Variants in C2CD2 observed in about 807,000 individuals in gnomAD.
C2CD2 encodes C2 domain-containing protein 2.
In C2CD2, 43 loss-of-function variants were observed where a neutral mutation model predicts 74.3. That is an observed-to-expected ratio of 0.58 (90% CI 0.45 to 0.75). C2CD2 has a LOEUF of 0.75. Ranked by LOEUF, C2CD2 falls within the 30% of genes least tolerant of loss-of-function variation. C2CD2 has a pLI of 0.00. For missense variants in C2CD2, 801 were observed against 916.3 expected, an observed-to-expected ratio of 0.87 and a Z score of 1.63; for synonymous variants, 422 against 390.7, an observed-to-expected ratio of 1.08 and a Z score of -0.94.
chr21:41,920,002 G>C (rs73904782), intron 3 of C2CD2, among the ~76,000 whole-genome samples: 1 of 152,226 alleles, frequency 6.6e-6, no homozygotes, highest in East Asian at 1.9e-4. Context: ...GCATCCCTGC[G>C]GGTGTGGACG....
In C2CD2 at chr21:41,903,202, T is replaced by C. The variant is rs1328156584; in HGVS notation, c.1433-1453A>G. Among the ~76,000 whole-genome samples, 2 of 152,182 alleles carry C rather than the reference T, an allele frequency of 1.3e-5. No individual in the cohort carries two copies. The highest frequency in any genetic ancestry group is 2.4e-5 in the African/African-American group (1 of 41,446). ...TGCCCTGAGCCCCTTCATCTGGCTG[T>C]GCATTTGTGTGATAATAAACTGGTA... On this transcript the variant is annotated intron_variant, in intron 11 of 13. Coordinates refer to ENST00000380486, the MANE Select transcript of C2CD2 (RefSeq NM_015500.2). The surrounding 1 kb of genome is among the most constrained non-coding windows in gnomAD (Gnocchi z 4.5).
Position 41,918,872 on chromosome 21 carries a change from G to C in C2CD2, c.581C>G (p.Pro194Arg). 6.2e-7 allele frequency: 1 copy of C among 1,613,780 alleles called. No homozygotes were observed. Among genetic ancestry groups the C allele is most frequent in the Non-Finnish European group, 8.5e-7 (1 of 1,179,684 alleles). The change falls in exon 4 of 14, where the codon CCC (proline) becomes CGC (arginine). Residue 194 changes from proline to arginine, a missense_variant. Coordinates refer to ENST00000380486, the MANE Select transcript of C2CD2 (RefSeq NM_015500.2). ...CGGACTGACCTCCCCCAGTGCTTTG[G>C]GCTGGATATTAACGGCCATTTCCGG... is the stretch of plus-strand genomic sequence containing the variant. ...SVPEMAVNIQ[P>R]KALGEDQVAE...
In C2CD2 at chr21:41,903,920, CA is replaced by C. The variant is rs1202236691; in HGVS notation, c.1432+1803del. 7.9e-5 allele frequency among the ~76,000 whole-genome samples: 12 copies of C among 152,162 alleles called. No homozygotes were observed. The highest frequency in any genetic ancestry group is 2.4e-4 in the African/African-American group (10 of 41,442). On this transcript the variant is annotated intron_variant, in intron 11 of 13. Coordinates refer to ENST00000380486, the MANE Select transcript of C2CD2 (RefSeq NM_015500.2). This position sits in a 1 kb window ranked among gnomAD's most constrained non-coding sequence, Gnocchi z 4.5. Reference sequence around the variant, plus strand: ...GGGGAAGAAACTGAGGAAGGGGCATCAGGGGCAGCGGCAAAAGCATCAGCGG... The same window carrying C: ...GGGGAAGAAACTGAGGAAGGGGCATCGGGGCAGCGGCAAAAGCATCAGCGG...
chr21:41,916,698 CACACACACT>C (rs1439436145), intron 5 of C2CD2, among the ~76,000 whole-genome samples: 2 of 151,326 alleles, frequency 1.3e-5, no homozygotes, highest in African/African-American at 4.9e-5. Flanking sequence ...CACACACACA[CACACACACT>C]CCCATTGGTT....
At chr21:41,947,454 G>C (rs1054866836) in intron 1 of C2CD2, among the ~76,000 whole-genome samples, 1 of 152,054 alleles carries the variant, frequency 6.6e-6, no homozygotes, top group Non-Finnish European at 1.5e-5. Flanking sequence ...ACTGCGCCTG[G>C]CCTAATTTCT....
At position 41,905,816 on chromosome 21, in the gene C2CD2, A is replaced by C. The variant is rs749075635; in HGVS notation, c.1340T>G (p.Ile447Ser). The C allele has an allele frequency of 1.0e-5, 16 of 1,601,084 alleles. No individual in the cohort carries two copies. The highest frequency in any genetic ancestry group is 1.4e-5 in the Non-Finnish European group (16 of 1,168,304). The change falls in exon 11 of 14, where the codon ATC becomes AGC. Residue 447 changes from isoleucine to serine, a missense_variant. Coordinates refer to ENST00000380486, the MANE Select transcript of C2CD2 (RefSeq NM_015500.2). ...GTCCTTCTCGATCACCTTCACCTTG[A>C]TGGGAGTCTTCACCGGAGAATCTGC... ...LSSDSPVKTPIKVKVIEKDIS... is the reference protein window; with the variant it reads ...LSSDSPVKTPSKVKVIEKDIS...
At position 41,923,832 on chromosome 21, in the gene C2CD2, G is replaced by A. The variant is rs993650073; in HGVS notation, c.379-1747C>T. Among the ~76,000 whole-genome samples the A allele has an allele frequency of 6.6e-6, 1 of 152,142 alleles. No individual in the cohort carries two copies. Among genetic ancestry groups the A allele is most frequent in the African/African-American group, 2.4e-5 (1 of 41,422 alleles). On this transcript the variant is annotated intron_variant, in intron 2 of 13. Transcript: ENST00000380486. This position sits in a 1 kb window ranked among gnomAD's most constrained non-coding sequence, Gnocchi z 5.8. Reference sequence around the variant, plus strand: ...CAGACCCCTCCCCGCTCCCCTCCCGGGGGCAGAGGGCCAAGCAGACACGTG... The same window carrying A: ...CAGACCCCTCCCCGCTCCCCTCCCGAGGGCAGAGGGCCAAGCAGACACGTG...
At chr21:41,947,137 T>TCTCCCTCCCTCC (rs1555906771) in intron 1 of C2CD2, among the ~76,000 whole-genome samples, 1 of 25,636 alleles carries the variant, frequency 3.9e-5, no homozygotes, top group African/African-American at 1.6e-4. Context: ...TCTCTCTCTC[T>TCTCCCTCCCTCC]CTCCCTCCCT....
At position 41,947,139 on chromosome 21, in the gene C2CD2, T is replaced by TCTCTCTCTCTCTCTCTCTCTCTCTCC. The variant is rs1365076208; in HGVS notation, c.280-4895_280-4894insGGAGAGAGAGAGAGAGAGAGAGAGAG. On this transcript the variant is annotated intron_variant, in intron 1 of 13. Coordinates refer to ENST00000380486, the MANE Select transcript of C2CD2 (RefSeq NM_015500.2). Reference sequence around the variant, plus strand: ...CTCTCTCTCTCTCTCTCTCTCTCTCTCCCTCCCTCCCTCCCTCCCTCTCTC... The same window carrying TCTCTCTCTCTCTCTCTCTCTCTCTCC: ...CTCTCTCTCTCTCTCTCTCTCTCTCTCTCTCTCTCTCTCTCTCTCTCTCTCCCCCTCCCTCCCTCCCTCCCTCTCTC... 3.3e-4 allele frequency among the ~76,000 whole-genome samples: 40 copies of TCTCTCTCTCTCTCTCTCTCTCTCTCC among 122,374 alleles called. 2 individuals carry two copies. The highest frequency in any genetic ancestry group is 3.9e-3 in the Middle Eastern group (1 of 256). 80.3% of individuals were successfully genotyped at this position (122,374 alleles called of 152,430 possible).
intron 6 of C2CD2, among the ~76,000 whole-genome samples, chr21:41,914,072 A>G (rs1327959221): frequency 1.3e-5 from 2 of 152,290 alleles, no homozygotes; most frequent in South Asian, 2.1e-4. Context: ...TACTAAAAAT[A>G]CAAAATAGCC....
Position 41,903,546 on chromosome 21 carries a change from A to G in C2CD2, c.1433-1797T>C, listed in dbSNP as rs2064924320. ...ATTTGGCGTCAGGAGTGTTGTGAGTAGAGGAACAGATTTTTGTTTAGCCAC... is the reference window on the plus strand; with the variant it reads ...ATTTGGCGTCAGGAGTGTTGTGAGTGGAGGAACAGATTTTTGTTTAGCCAC... On this transcript the variant is annotated intron_variant, in intron 11 of 13. Transcript: ENST00000380486. This position sits in a 1 kb window ranked among gnomAD's most constrained non-coding sequence, Gnocchi z 4.5. 6.6e-6 allele frequency among the ~76,000 whole-genome samples: 1 copy of G among 152,218 alleles called. No individual in the cohort carries two copies.
chr21:41,907,859 G>C, intron 8 of C2CD2, 75 bp from the exon 9 acceptor site: 11 of 1,523,998 alleles, frequency 7.2e-6, no homozygotes, highest in Non-Finnish European at 1.8e-6. Flanking sequence ...AGGCCCACAC[G>C]CCCAGCAGCC....
In C2CD2 at chr21:41,938,208, A is replaced by G. The variant is rs749534999; in HGVS notation, c.378+3939T>C. Among the ~76,000 whole-genome samples the G allele has an allele frequency of 5.9e-5, 9 of 152,104 alleles. No individual in the cohort carries two copies. The South Asian group carries it at 1.0e-3, about 18-fold the overall frequency. On this transcript the variant is annotated intron_variant, in intron 2 of 13. Coordinates refer to ENST00000380486, the MANE Select transcript of C2CD2 (RefSeq NM_015500.2). The stretch of plus-strand genomic sequence containing the variant: ...ATAAACATCATGATGCATACCATAA[A>G]TATGTACAATTTTCATCAATTAAAA...
intron 7 of C2CD2, among the ~76,000 whole-genome samples, chr21:41,911,985 A>T (rs960386962): frequency 6.6e-6 from 1 of 152,144 alleles, no homozygotes; most frequent in Non-Finnish European, 1.5e-5. Context: ...TACAGGCATG[A>T]GCCTCTGCAC....
At chr21:41,893,460 A>G (rs73909438) in intron 13 of C2CD2, among the ~76,000 whole-genome samples, 294 of 152,304 alleles carry the variant, frequency 1.9e-3, no homozygotes, top group African/African-American at 6.8e-3. Flanking sequence ...GCCTGCATGT[A>G]AAAAGATGGT....
chr21:41,912,615 C>T (rs1324776601), intron 6 of C2CD2, among the ~76,000 whole-genome samples, 175 bp from the exon 7 acceptor site: 5 of 152,072 alleles, frequency 3.3e-5, no homozygotes, highest in East Asian at 1.9e-4. Context: ...CTCAGCTTCC[C>T]GAGTATCTGG....
chr21:41,912,522 G>A (rs565033212), intron 6 of C2CD2, 82 bp from the exon 7 acceptor site: 6 of 566,972 alleles, frequency 1.1e-5, no homozygotes, highest in South Asian at 9.9e-5. Flanking sequence ...ACAGAGTCTC[G>A]CTCTGTCGCC....
chr21:41,901,782 G>A, intron 11 of C2CD2, 33 bp from the exon 12 acceptor site: 1 of 1,606,230 alleles, frequency 6.2e-7, no homozygotes, highest in African/African-American at 1.3e-5. Context: ...AAGTTCATCA[G>A]CAAAAATTAA....
At chr21:41,942,282 G>C (rs1417863146) in intron 1 of C2CD2, 37 bp from the exon 2 acceptor site, 1 of 1,440,810 alleles carries the variant, frequency 6.9e-7, no homozygotes, top group Non-Finnish European at 9.5e-7. Flanking sequence ...GGCATGCACA[G>C]GAGGGGCTGC....
Sources: gnomAD v4.1 joint callset for allele counts (sites outside exome capture counted in the v4.1 genomes callset) on GRCh38, gnomAD v4.1.1 for gene constraint, Gnocchi (gnomAD v3.1) non-coding constraint, MANE v1.5 for transcripts, NCBI Gene and HGNC (gene_info 2026-07-23, HGNC 2026-07-21) for gene names.